The following SEC22A variants were observed in gnomAD, a reference collection of about 807,000 sequenced individuals.
The protein encoded by SEC22A is SEC22 homolog A, vesicle trafficking protein, also known as vesicle-trafficking protein SEC22a.
A neutral mutation model predicts 35.3 loss-of-function variants in SEC22A; 22 were observed. The observed-to-expected ratio is 0.62, with a 90% confidence interval of 0.45 to 0.89. SEC22A has a LOEUF of 0.89. SEC22A is among the 40% of genes least tolerant of loss of function. SEC22A has a pLI of 0.00. For missense variants in SEC22A, 354 were observed against 362.5 expected (o/e 0.98, Z 0.19); for synonymous variants, 119 against 129.5 (o/e 0.92, Z 0.55).
intron 4 of SEC22A, among the ~76,000 whole-genome samples, chr3:123,243,218 A>G (rs1325553724): frequency 9.0e-6 from 1 of 111,402 alleles, no homozygotes; most frequent in Non-Finnish European, 1.7e-5. Flanking sequence ...AAATTATTTA[A>G]TGTCCCTAAA....
intron 6 of SEC22A, among the ~76,000 whole-genome samples, chr3:123,270,864 T>G (rs1315254504): frequency 6.6e-6 from 1 of 152,244 alleles, no homozygotes; most frequent in Non-Finnish European, 1.5e-5. Context: ...CATAACTGTT[T>G]GATATTATAT....
At chr3:123,224,666 C>A (rs1353201976) in intron 3 of SEC22A, among the ~76,000 whole-genome samples, 1 of 152,104 alleles carries the variant, frequency 6.6e-6, no homozygotes, top group African/African-American at 2.4e-5. Flanking sequence ...TGGCTCACAC[C>A]AGTAGCCCCA....
At chr3:123,207,707 T>TA (rs1214969917) in intron 1 of SEC22A, among the ~76,000 whole-genome samples, 1 of 152,218 alleles carries the variant, frequency 6.6e-6, no homozygotes, top group African/African-American at 2.4e-5. Flanking sequence ...TTCAACTTCT[T>TA]ATGCAAGCTA....
Position 123,252,226 on chromosome 3 carries a change from A to C in SEC22A, c.657+6212A>C, listed in dbSNP as rs773405737. ...GCCATTAGTCTTAAGACATACTCTT[A>C]GCCCTCTTTCTGGTTGATCATTACA... On this transcript the variant is annotated intron_variant, in intron 5 of 6. Coordinates refer to ENST00000492595, the MANE Select transcript of SEC22A (RefSeq NM_012430.5). Among the ~76,000 whole-genome samples the C allele has an allele frequency of 3.3e-4, 51 of 152,286 alleles. 1 individual carries two copies. The highest frequency in any genetic ancestry group is 1.9e-4 in the Non-Finnish European group (13 of 68,028).
At chr3:123,211,485 G>A (rs1936938724) in intron 2 of SEC22A, among the ~76,000 whole-genome samples, 2 of 151,976 alleles carry the variant, frequency 1.3e-5, no homozygotes, top group Non-Finnish European at 1.5e-5. Flanking sequence ...TAAGACACTG[G>A]GGCTTGCTCT....
chr3:123,214,939 A>G (rs79142944), intron 2 of SEC22A, among the ~76,000 whole-genome samples: 3,112 of 152,272 alleles, frequency 0.02, 53 homozygotes, highest in Non-Finnish European at 0.025. Flanking sequence ...CTTTCTCCCT[A>G]CACTGCTACC....
intron 2 of SEC22A, 91 bp downstream of exon 2, chr3:123,209,490 G>C: frequency 1.0e-6 from 1 of 1,004,298 alleles, no homozygotes; most frequent in Non-Finnish European, 1.5e-6. Flanking sequence ...GGAGTGATTA[G>C]GAAAACCTGT....
chr3:123,223,751 A>G, intron 3 of SEC22A, 29 bp downstream of exon 3: 1 of 1,559,972 alleles, frequency 6.4e-7, no homozygotes, highest in Non-Finnish European at 8.8e-7. Flanking sequence ...TTTCCTTTTT[A>G]TTCTGTCTGC....
intron 5 of SEC22A, among the ~76,000 whole-genome samples, chr3:123,251,382 T>G (rs1937611869): frequency 1.3e-5 from 2 of 152,190 alleles, no homozygotes; most frequent in South Asian, 4.1e-4. Flanking sequence ...TCCTTTCTTT[T>G]GTCTTAGACT....
At position 123,263,540 on chromosome 3, in the gene SEC22A, G is replaced by A. The variant is rs376510814; in HGVS notation, c.723+3951G>A. Among the ~76,000 whole-genome samples, 29 of 152,116 alleles carry A rather than the reference G, an allele frequency of 1.9e-4. 1 individual carries two copies. Among genetic ancestry groups the A allele is most frequent in the African/African-American group, 5.8e-4 (24 of 41,508 alleles). On this transcript the variant is annotated intron_variant, in intron 6 of 6. Transcript: ENST00000492595. ...CATTTTTTTGTTGTTTTTTTGGGAC[G>A]GAGTCTTGCTCTGTCACCCAGGCTG...
At chr3:123,254,895 C>T (rs1937686808) in intron 5 of SEC22A, among the ~76,000 whole-genome samples, 1 of 151,524 alleles carries the variant, frequency 6.6e-6, no homozygotes, top group Admixed American at 6.6e-5. Context: ...CACCCCACCC[C>T]ACAACAGACC....
chr3:123,272,922 C>CTT lies in SEC22A; in HGVS notation c.*1201_*1202insTT, dbSNP rs1938204814. The CTT allele has an allele frequency of 6.5e-6, 1 of 153,756 alleles. No individual in the cohort carries two copies. The highest frequency in any genetic ancestry group is 2.1e-4 in the South Asian group (1 of 4,830). 9.5% of individuals were successfully genotyped at this position (153,756 alleles called of 1,614,324 possible). A position where few individuals can be genotyped will look rare whatever the true frequency, so the allele number is the denominator to read the frequency against. ...CTTTGAGGAATTAAGCCCCTAGTAT[C>CTT]TGAGAGAACTTACTTGTTTTTTGAT... On this transcript the variant is annotated 3_prime_UTR_variant, in exon 7 of 7. Transcript: ENST00000492595.
chr3:123,238,488 G>T (rs939653288), intron 4 of SEC22A, among the ~76,000 whole-genome samples: 3 of 152,118 alleles, frequency 2.0e-5, no homozygotes, highest in African/African-American at 7.2e-5. Context: ...GCGCCACCAC[G>T]CCCAGCCTAG....
chr3:123,209,495 A>G, intron 2 of SEC22A, 96 bp downstream of exon 2: 2 of 960,008 alleles, frequency 2.1e-6, no homozygotes, highest in South Asian at 3.3e-5. Flanking sequence ...GATTAGGAAA[A>G]CCTGTTCAAG....
intron 1 of SEC22A, among the ~76,000 whole-genome samples, chr3:123,206,745 C>T (rs533160934): frequency 4.6e-5 from 7 of 152,158 alleles, no homozygotes; most frequent in Admixed American, 1.3e-4. Context: ...AGTTTGAAGA[C>T]TCCACTGTAG....
chr3:123,269,174 AATAT>A (rs200023106), intron 6 of SEC22A, among the ~76,000 whole-genome samples: 5 of 83,146 alleles, frequency 6.0e-5, no homozygotes, highest in African/African-American at 1.8e-4. Flanking sequence ...CCTTGAATTA[AATAT>A]ATGTGTGTGT....
chr3:123,265,222 T>C (rs1194804040), intron 6 of SEC22A, among the ~76,000 whole-genome samples: 1 of 152,216 alleles, frequency 6.6e-6, no homozygotes, highest in African/African-American at 2.4e-5. Flanking sequence ...ATAAGTTAAA[T>C]GCAAATATTG....
intron 4 of SEC22A, among the ~76,000 whole-genome samples, chr3:123,228,065 G>A (rs546228757): frequency 4.8e-4 from 73 of 151,914 alleles, no homozygotes; most frequent in African/African-American, 1.7e-3. Context: ...TTTAAATTTG[G>A]ACTGAATACA....
chr3:123,203,446 GGCAC>G (rs1370158420), intron 1 of SEC22A, among the ~76,000 whole-genome samples: 1 of 152,094 alleles, frequency 6.6e-6, no homozygotes, highest in Non-Finnish European at 1.5e-5. Flanking sequence ...CAATGTTTCA[GGCAC>G]TTTACATGAT....
Sources: allele counts gnomAD v4.1 joint callset (sites outside exome capture counted in the v4.1 genomes callset), GRCh38; gene constraint gnomAD v4.1.1; transcripts MANE v1.5; gene names NCBI Gene and HGNC (gene_info 2026-07-23, HGNC 2026-07-21).